ZKSCAN7: variants seen among roughly 807,000 people sequenced by gnomAD.
ZKSCAN7 encodes zinc finger with KRAB and SCAN domains 7, also known as zinc finger protein with KRAB and SCAN domains 7.
A neutral mutation model predicts 65.3 loss-of-function variants in ZKSCAN7; 38 were observed. The observed-to-expected ratio is 0.58, with a 90% CI of 0.45 to 0.76. The LOEUF (loss-of-function observed/expected upper bound fraction) is 0.76. Ranked by LOEUF, ZKSCAN7 falls within the 30% of genes least tolerant of loss-of-function variation. The probability of loss-of-function intolerance (pLI) is 0.00; values close to 1 mark genes in which losing one functional copy is unlikely to be tolerated. For synonymous variants in ZKSCAN7, 321 were observed against 321.0 expected, an observed-to-expected ratio of 1.00 and a Z score of 0.00; for missense variants, 815 against 913.3, an observed-to-expected ratio of 0.89 and a Z score of 1.39.
chr3:44,580,568 C>G, intron 5 of ZKSCAN7: 1 of 1,613,950 alleles, frequency 6.2e-7, no homozygotes, highest in Non-Finnish European at 8.5e-7. Flanking sequence ...TCTGATTCTG[C>G]TTGTTGGTCC....
exon 6 of ZKSCAN7, chr3:44,583,051 T>G (rs1249243564): frequency 4.9e-6 from 2 of 408,440 alleles, no homozygotes; most frequent in Non-Finnish European, 9.9e-6. Context: ...CTCAGACTCC[T>G]GAGTAGCTGG....
At chr3:44,577,701 A>G (rs144762852) in intron 5 of ZKSCAN7, among the ~76,000 whole-genome samples, 2,585 of 152,290 alleles carry the variant, frequency 0.017, 35 homozygotes, top group Non-Finnish European at 0.028. Context: ...TGCTGGCCTA[A>G]TTTTAGAATA....
chr3:44,575,790 C>A (rs1298379564), downstream of ZKSCAN7, among the ~76,000 whole-genome samples: 1 of 152,296 alleles, frequency 6.6e-6, no homozygotes, highest in East Asian at 1.9e-4. Context: ...GCTGGTCAGG[C>A]TGGTCTCGAA....
intron 2 of ZKSCAN7, among the ~76,000 whole-genome samples, chr3:44,560,654 G>T (rs1468585279): frequency 2.0e-5 from 3 of 151,938 alleles, no homozygotes; most frequent in African/African-American, 7.3e-5. Flanking sequence ...GACTACAGGT[G>T]CCTGCCACCA....
chr3:44,562,620 CA>C (rs1559424328), intron 2 of ZKSCAN7, among the ~76,000 whole-genome samples: 1 of 152,182 alleles, frequency 6.6e-6, no homozygotes, highest in Non-Finnish European at 1.5e-5. Context: ...TCTCTTTGTT[CA>C]CAAATATGAG....
rs765561905 is a variant in ZKSCAN7, at chr3:44,557,192, G to A, written c.145G>A (p.Val49Ile). The A allele has an allele frequency of 1.2e-6, 2 of 1,614,150 alleles. No individual in the cohort carries two copies. The highest frequency in any genetic ancestry group is 3.3e-5 in the Admixed American group (2 of 60,012). Residue 49 changes from valine to isoleucine, a missense_variant, in exon 2 of 6, where the codon GTC (valine) becomes ATC (isoleucine). Physicochemically the swap from Val to Ile is conservative, Grantham distance 29. This residue lies in a region of ZKSCAN7 where 227 missense variants were observed against 253.3 expected (regional missense o/e 0.90). Coordinates refer to ENST00000426540, the MANE Select transcript of ZKSCAN7 (RefSeq NM_001288590.2). ...CAGTCTCCAGAAGAACTATCCTCCT[G>A]TCTGCGAAATCTTCCGGCTACACTT... ...GSSLQKNYPP[V>I]CEIFRLHFRQ...
At chr3:44,572,862 A>AAAAAAAAG, downstream of ZKSCAN7, among the ~76,000 whole-genome samples, 1 of 150,646 alleles carries the variant, frequency 6.6e-6, no homozygotes, top group Non-Finnish European at 1.5e-5. Context: ...AAAAAAAAAA[A>AAAAAAAAG]AAAAAAAAGA....
chr3:44,561,519 C>A (rs564319896), intron 2 of ZKSCAN7, among the ~76,000 whole-genome samples: 5 of 152,334 alleles, frequency 3.3e-5, no homozygotes, highest in Admixed American at 3.3e-4. Flanking sequence ...AGACTTAACT[C>A]ATTTCAGCAT....
At chr3:44,580,292 G>A (rs1481933678) in intron 5 of ZKSCAN7, 18 of 1,613,764 alleles carry the variant, frequency 1.1e-5, no homozygotes, top group African/African-American at 5.3e-5. Context: ...TACTCATGGC[G>A]CTCTCCTCTT....
chr3:44,568,191 T>A (rs1173642300), intron 4 of ZKSCAN7, 116 bp from the exon 5 acceptor site: 3 of 1,545,880 alleles, frequency 1.9e-6, no homozygotes, highest in Non-Finnish European at 1.7e-6. Context: ...TCATCTCAGC[T>A]CCTCTCTCCC....
intron 5 of ZKSCAN7, chr3:44,580,199 G>A (rs1307449150): frequency 6.8e-6 from 11 of 1,610,950 alleles, no homozygotes; most frequent in South Asian, 1.1e-5. Flanking sequence ...GCTGTTCTTC[G>A]GCCTTCAAGT....
At position 44,571,949 on chromosome 3, in the gene ZKSCAN7, T is replaced by G; in HGVS notation, c.*574T>G. The G allele has an allele frequency of 2.0e-6, 2 of 986,652 alleles. No individual in the cohort carries two copies. The highest frequency in any genetic ancestry group is 2.4e-6 in the Non-Finnish European group (2 of 830,716). The allele number at this position is 986,652 out of a possible 1,614,324, so 61.1% of individuals were successfully genotyped here. The stretch of plus-strand genomic sequence containing the variant: ...TTCTTCTTCAAGTACTTTTTTATTT[T>G]TCTTCAACTTCTCTTGATTTGACCT... On this transcript the variant is annotated 3_prime_UTR_variant, in exon 6 of 6. Transcript: ENST00000426540.
In ZKSCAN7 at chr3:44,570,426, A is replaced by G. The variant is rs1050152455; in HGVS notation, c.1316A>G (p.Tyr439Cys). Residue 439 changes from tyrosine to cysteine, a missense_variant, in exon 6 of 6, where the codon TAT becomes TGT. Transcript: ENST00000426540. ...HLRTHTGEKP[Y>C]ECSECGKAYR... Reference sequence around the variant, plus strand: ...AGAACCCACACAGGGGAAAAACCCTATGAATGCAGTGAGTGTGGAAAGGCC... The same window carrying G: ...AGAACCCACACAGGGGAAAAACCCTGTGAATGCAGTGAGTGTGGAAAGGCC... The G allele has an allele frequency of 4.3e-6, 7 of 1,614,000 alleles. No individual in the cohort carries two copies. The highest frequency in any genetic ancestry group is 2.7e-5 in the African/African-American group (2 of 74,920).
At position 44,570,389 on chromosome 3, in the gene ZKSCAN7, A is replaced by G. The variant is rs1343593060; in HGVS notation, c.1279A>G (p.Ile427Val). Reference sequence around the variant, plus strand: ...GACCTTCAGGCAAACCTCCCAGCTCATTGTTCATCTCAGAACCCACACAGG... The same window carrying G: ...GACCTTCAGGCAAACCTCCCAGCTCGTTGTTCATCTCAGAACCCACACAGG... ...GKTFRQTSQL[I>V]VHLRTHTGEK... is the part of the protein sequence containing the mutation. Residue 427 changes from isoleucine to valine, a missense_variant, in exon 6 of 6, where the codon ATT (isoleucine) becomes GTT (valine). By Grantham distance (29) the Ile-to-Val change is conservative (BLOSUM62 3). Transcript: ENST00000426540. The G allele has an allele frequency of 1.2e-6, 2 of 1,613,860 alleles. No individual in the cohort carries two copies. Among genetic ancestry groups the G allele is most frequent in the Admixed American group, 1.7e-5 (1 of 60,008 alleles).
At chr3:44,580,331 G>A (rs1218885710) in intron 5 of ZKSCAN7, 1 of 1,612,966 alleles carries the variant, frequency 6.2e-7, no homozygotes, top group Admixed American at 1.7e-5. Context: ...GTTCCCGCAG[G>A]GAGCTGGCAG....
At position 44,571,478 on chromosome 3, in the gene ZKSCAN7, A is replaced by C; in HGVS notation, c.*103A>C. 6.3e-7 allele frequency: 1 copy of C among 1,593,420 alleles called. No individual in the cohort carries two copies. The highest frequency in any genetic ancestry group is 8.5e-7 in the Non-Finnish European group (1 of 1,175,654). On this transcript the variant is annotated 3_prime_UTR_variant, in exon 6 of 6. Transcript: ENST00000426540. ...CCGGAGCCAGTAGTCACGGTGGACC[A>C]TTCCCTACTTGCTTTTCCTTGGATC...
chr3:44,579,964 G>A (rs199655776), intron 5 of ZKSCAN7: 58 of 1,582,226 alleles, frequency 3.7e-5, no homozygotes, highest in Admixed American at 1.6e-4. Flanking sequence ...GAGGCGTCTG[G>A]GAGAGGAGCT....
At chr3:44,581,060 G>A in intron 5 of ZKSCAN7, 2 of 1,380,376 alleles carry the variant, frequency 1.4e-6, no homozygotes. Flanking sequence ...CGCAGGCCCG[G>A]CCGGCCTGGC....
intron 2 of ZKSCAN7, among the ~76,000 whole-genome samples, chr3:44,559,939 G>C (rs532954095): frequency 6.6e-6 from 1 of 152,240 alleles, no homozygotes; most frequent in Non-Finnish European, 1.5e-5. Flanking sequence ...GGCAATGACA[G>C]GTGGCTGAAG....
Sources: gnomAD v4.1 joint callset for allele counts (sites outside exome capture counted in the v4.1 genomes callset) on GRCh38, gnomAD v4.1.1 for gene constraint, gnomAD v4.1.1 regional missense constraint, MANE v1.5 for transcripts, NCBI Gene and HGNC (gene_info 2026-07-23, HGNC 2026-07-21) for gene names.